ALDH7A1: variants seen among roughly 807,000 people sequenced by gnomAD.
The protein encoded by ALDH7A1 is alpha-aminoadipic semialdehyde dehydrogenase.
ALDH7A1 carries 63 observed loss-of-function variants against 79.9 expected under a neutral mutation model. That is an observed-to-expected ratio of 0.79 (90% confidence interval 0.64 to 0.97). The LOEUF (loss-of-function observed/expected upper bound fraction) is 0.97, where lower values mean the gene tolerates loss of function less well. ALDH7A1 is among the 50% of genes least tolerant of loss of function. The probability of loss-of-function intolerance (pLI) is 0.00; values close to 1 mark genes in which losing one functional copy is unlikely to be tolerated. For synonymous variants in ALDH7A1, 240 were observed against 231.2 expected (o/e 1.04, Z -0.34); for missense variants, 627 against 665.2 (o/e 0.94, Z 0.63).
intron 12 of ALDH7A1, chr5:126,555,482 C>CAA (rs762878623): frequency 0.028 from 2,071 of 74,594 alleles, 91 homozygotes; most frequent in African/African-American, 0.088. Flanking sequence ...AACTGTGTCT[C>CAA]AAAAAAAAAA....
chr5:126,589,657 A>C (rs75529992), intron 3 of ALDH7A1, among the ~76,000 whole-genome samples: 2,417 of 152,160 alleles, frequency 0.016, 56 homozygotes, highest in East Asian at 0.048. Context: ...TCCGTCTGGG[A>C]AGTGAGGAGC....
At chr5:126,566,968 AAAT>A (rs1349574009) in intron 9 of ALDH7A1, among the ~76,000 whole-genome samples, 21 of 152,370 alleles carry the variant, frequency 1.4e-4, no homozygotes, top group Non-Finnish European at 2.6e-4. Context: ...AATTAAAAAT[AAAT>A]AATAACTTCT....
At chr5:126,550,077 AACC>A in intron 15 of ALDH7A1, 75 bp from the exon 16 acceptor site, 1 of 1,575,812 alleles carries the variant, frequency 6.3e-7, no homozygotes, top group Non-Finnish European at 8.7e-7. Context: ...AAAAAATCTA[AACC>A]AAAGCTCAAA....
At chr5:126,575,023 GT>G (rs1197428815) in intron 7 of ALDH7A1, among the ~76,000 whole-genome samples, 1 of 152,176 alleles carries the variant, frequency 6.6e-6, no homozygotes, top group Admixed American at 6.5e-5. Flanking sequence ...GTAATAATCA[GT>G]TTTGTTAACA....
At chr5:126,554,234 C>T in intron 13 of ALDH7A1, 53 bp downstream of exon 13, 2 of 1,521,848 alleles carry the variant, frequency 1.3e-6, no homozygotes, top group Non-Finnish European at 1.8e-6. Context: ...GCTTGTGTCT[C>T]AGGGAAAAGA....
intron 9 of ALDH7A1, among the ~76,000 whole-genome samples, chr5:126,567,467 T>C (rs1157255945): frequency 6.6e-6 from 1 of 152,090 alleles, no homozygotes; most frequent in Non-Finnish European, 1.5e-5. Context: ...GAAAATGACT[T>C]CCTTTCATAA....
At chr5:126,554,809 C>T (rs1432973009) in intron 12 of ALDH7A1, 6 of 311,414 alleles carry the variant, frequency 1.9e-5, no homozygotes, top group African/African-American at 1.3e-4. Flanking sequence ...GGAAACATCA[C>T]AGTCTCAGTA....
intron 5 of ALDH7A1, among the ~76,000 whole-genome samples, chr5:126,579,864 G>A (rs1751112348): frequency 6.6e-6 from 1 of 152,148 alleles, no homozygotes; most frequent in Admixed American, 6.6e-5. Context: ...GGAGGCTGAG[G>A]TGGAAAGATT....
At chr5:126,551,263 G>A (rs559318014) in intron 14 of ALDH7A1, among the ~76,000 whole-genome samples, 19 of 151,888 alleles carry the variant, frequency 1.3e-4, no homozygotes, top group Non-Finnish European at 2.5e-4. Flanking sequence ...TATGAGATCA[G>A]GGAAAACAAA....
At chr5:126,591,108 C>T (rs1751538353) in intron 3 of ALDH7A1, among the ~76,000 whole-genome samples, 1 of 151,994 alleles carries the variant, frequency 6.6e-6, no homozygotes, top group African/African-American at 2.4e-5. Context: ...TTATTTACAG[C>T]ATCAATCTTT....
intron 1 of ALDH7A1, 120 bp from the exon 2 acceptor site, chr5:126,593,524 A>G (rs922083939): frequency 4.3e-6 from 6 of 1,399,968 alleles, no homozygotes; most frequent in African/African-American, 1.4e-5. Context: ...CAAACTCAAA[A>G]AGCTTAGGTT....
intron 5 of ALDH7A1, among the ~76,000 whole-genome samples, chr5:126,578,726 C>A (rs1751068695): frequency 1.3e-5 from 2 of 151,720 alleles, no homozygotes; most frequent in Admixed American, 6.6e-5. Context: ...TTTAAAGTCA[C>A]CCATAATCCT....
intron 17 of ALDH7A1, 106 bp downstream of exon 17, chr5:126,546,218 C>A: frequency 9.5e-7 from 1 of 1,057,386 alleles, no homozygotes; most frequent in South Asian, 1.3e-5. Context: ...CTGGAAAAAT[C>A]AAATCAAATG....
chr5:126,551,521 C>A (rs1749998808), intron 14 of ALDH7A1, among the ~76,000 whole-genome samples: 1 of 152,056 alleles, frequency 6.6e-6, no homozygotes, highest in Non-Finnish European at 1.5e-5. Context: ...CGGGGTTTCA[C>A]CATGTTGGCC....
intron 5 of ALDH7A1, chr5:126,582,062 G>A: frequency 2.5e-6 from 1 of 398,548 alleles, no homozygotes; most frequent in African/African-American, 2.1e-5. Context: ...GGTGGCTCAT[G>A]CCTATAATCC....
At chr5:126,590,187 G>T (rs1751506420) in intron 3 of ALDH7A1, among the ~76,000 whole-genome samples, 1 of 151,128 alleles carries the variant, frequency 6.6e-6, no homozygotes, top group Non-Finnish European at 1.5e-5. Flanking sequence ...GAGCGCCTCT[G>T]CCCGGCCACC....
intron 13 of ALDH7A1, among the ~76,000 whole-genome samples, chr5:126,552,506 C>T (rs1190743650): frequency 6.6e-6 from 1 of 152,178 alleles, no homozygotes; most frequent in Non-Finnish European, 1.5e-5. Context: ...CATCCTCCCA[C>T]CTCAGCCTCC....
At chr5:126,572,779 C>G (rs1381938557) in intron 7 of ALDH7A1, among the ~76,000 whole-genome samples, 1 of 152,192 alleles carries the variant, frequency 6.6e-6, no homozygotes, top group Non-Finnish European at 1.5e-5. Flanking sequence ...CAATGGGGCT[C>G]TCACTTTCTT....
intron 4 of ALDH7A1, 65 bp downstream of exon 4, chr5:126,583,867 T>C (rs1751259875): frequency 3.0e-6 from 4 of 1,336,814 alleles, no homozygotes; most frequent in Admixed American, 1.7e-5. Flanking sequence ...ATTTTATATA[T>C]AGAAAAGCAT....
Sources: gnomAD v4.1 joint callset for allele counts (sites outside exome capture counted in the v4.1 genomes callset) on GRCh38, gnomAD v4.1.1 for gene constraint, MANE v1.5 for transcripts, NCBI Gene and HGNC (gene_info 2026-07-23, HGNC 2026-07-21) for gene names.